Variants in TRIP12 observed in about 807,000 individuals in gnomAD.
TRIP12 encodes thyroid hormone receptor interactor 12.
Under a neutral mutation model 244.2 loss-of-function variants are expected in TRIP12, and 25 were observed. That is an observed-to-expected ratio of 0.10 (90% CI 0.07 to 0.14). The LOEUF (loss-of-function observed/expected upper bound fraction) is 0.14, where lower values mean the gene tolerates loss of function less well. TRIP12 is among the 10% of genes least tolerant of loss of function. TRIP12 has a pLI of 1.00. For synonymous variants in TRIP12, 905 were observed against 873.1 expected (o/e 1.04, Z -0.64); for missense variants, 1,677 against 2,486.4 (o/e 0.67, Z 6.92).
intron 21 of TRIP12, among the ~76,000 whole-genome samples, chr2:229,800,967 C>A (rs576769811): frequency 3.9e-4 from 59 of 152,280 alleles, no homozygotes; most frequent in African/African-American, 1.4e-3. Context: ...GAAAGAAATA[C>A]TGCAATTGTC....
intron 28 of TRIP12, 27 bp downstream of exon 28, chr2:229,792,126 A>G: frequency 6.2e-7 from 1 of 1,614,060 alleles, no homozygotes; most frequent in African/African-American, 1.3e-5. Flanking sequence ...ATAGTACATT[A>G]TACATGGTGG....
Position 229,839,192 on chromosome 2 carries a change from G to T in TRIP12, c.1133+1630C>A, listed in dbSNP as rs1485655529. 2.6e-5 allele frequency among the ~76,000 whole-genome samples: 4 copies of T among 152,248 alleles called. No homozygotes were observed. The East Asian group carries it at 7.7e-4, about 29-fold the overall frequency. ...TTTAGATGCATAAATGCTTGCCATG[G>T]TGTTACAACTGTCTACAGTATTCTG... On this transcript the variant is annotated intron_variant, in intron 5 of 41. Transcript: ENST00000675903.
Position 229,863,671 on chromosome 2 carries a change from T to C in TRIP12, c.99-3140A>G, listed in dbSNP as rs113404043. ...GGAGCTCTATTTTATTATGTCCACTTATAAATTATTAATGCTCAAAAATGC... is the reference window on the plus strand; with the variant it reads ...GGAGCTCTATTTTATTATGTCCACTCATAAATTATTAATGCTCAAAAATGC... On this transcript the variant is annotated intron_variant, in intron 2 of 41. Coordinates refer to ENST00000675903, the MANE Select transcript of TRIP12 (RefSeq NM_001348323.3). 9.9e-3 allele frequency among the ~76,000 whole-genome samples: 1,504 copies of C among 152,278 alleles called. 22 individuals are homozygous for C. The highest frequency in any genetic ancestry group is 0.034 in the African/African-American group (1,398 of 41,548).
intron 4 of TRIP12, among the ~76,000 whole-genome samples, chr2:229,850,021 G>T (rs1396588964): frequency 6.6e-6 from 1 of 151,750 alleles, no homozygotes; most frequent in East Asian, 1.9e-4. Context: ...GTACTTTCTG[G>T]ATTACTTTTA....
Position 229,774,271 on chromosome 2 carries a change from A to G in TRIP12, c.5530-10T>C. On this transcript the variant is annotated splice_polypyrimidine_tract_variant and intron_variant, in intron 37 of 41. Coordinates refer to ENST00000675903, the MANE Select transcript of TRIP12 (RefSeq NM_001348323.3). ...GTAGACTCTCTTTGGTCTAAAAAAC[A>G]CAAATGGGGGAGAAATGGTGTCAAG... The G allele has an allele frequency of 6.3e-7, 1 of 1,597,384 alleles. No homozygotes were observed. Among genetic ancestry groups the G allele is most frequent in the Non-Finnish European group, 8.5e-7 (1 of 1,174,150 alleles).
intron 7 of TRIP12, 80 bp from the exon 8 acceptor site, chr2:229,829,368 T>G (rs1272033013): frequency 3.6e-6 from 4 of 1,104,614 alleles, no homozygotes; most frequent in Non-Finnish European, 5.2e-6. Context: ...AAGTAACTGA[T>G]TCATCTCGCT....
chr2:229,827,645 C>T (rs1022523695), intron 8 of TRIP12, among the ~76,000 whole-genome samples: 9 of 152,068 alleles, frequency 5.9e-5, no homozygotes, highest in Non-Finnish European at 1.2e-4. Flanking sequence ...CTGTCATCTC[C>T]TATGACAACA....
At chr2:229,876,611 C>A (rs939313448) in intron 2 of TRIP12, among the ~76,000 whole-genome samples, 10 of 152,212 alleles carry the variant, frequency 6.6e-5, no homozygotes, top group Non-Finnish European at 1.5e-4. Context: ...ACCAACACAT[C>A]TTAATCGCTA....
chr2:229,787,474 G>C lies in TRIP12; in HGVS notation c.4995+31C>G, dbSNP rs144965923. ...TTTTCCCATTATTTTGAAAAGCTCA[G>C]ATTATTTAAAGATTTTGGGGAGAAA... On this transcript the variant is annotated intron_variant, in intron 33 of 41. Transcript: ENST00000675903. The C allele has an allele frequency of 5.8e-4, 918 of 1,587,226 alleles. 10 individuals are homozygous for C. In the African/African-American group the frequency reaches 0.011, roughly 19 times the overall value.
intron 18 of TRIP12, 109 bp from the exon 19 acceptor site, chr2:229,804,336 A>G: frequency 1.1e-6 from 1 of 944,896 alleles, no homozygotes; most frequent in South Asian, 1.8e-5. Context: ...ATGCTATGAA[A>G]ACTTTTTCAT....
At chr2:229,826,634 C>A (rs1273250318) in intron 8 of TRIP12, among the ~76,000 whole-genome samples, 1 of 152,104 alleles carries the variant, frequency 6.6e-6, no homozygotes, top group Non-Finnish European at 1.5e-5. Flanking sequence ...ATACCTAAAC[C>A]AAGATGGTAC....
intron 1 of TRIP12, among the ~76,000 whole-genome samples, chr2:229,920,396 G>C: frequency 6.6e-6 from 1 of 152,122 alleles, no homozygotes; most frequent in East Asian, 1.9e-4. Context: ...CCGCGACTAG[G>C]AAAGGAGACA....
At chr2:229,922,514 A>G (rs778820320), upstream of TRIP12, 66 of 1,613,926 alleles carry the variant, frequency 4.1e-5, no homozygotes, top group Non-Finnish European at 4.1e-5. Context: ...GCGTCCCAAG[A>G]TGGCGTCGTG....
In TRIP12 at chr2:229,885,197, G is replaced by GC. The variant is rs577444603; in HGVS notation, c.-49-5070dup. Among the ~76,000 whole-genome samples, 19 of 152,220 alleles carry GC rather than the reference G, an allele frequency of 1.2e-4. No individual in the cohort carries two copies. In the East Asian group the frequency reaches 3.3e-3, roughly 26 times the overall value. ...ATGTTACAAACATGTTGCTATGTTT[G>GC]CAACAGGTAAATCTCATTTGTCCAG... On this transcript the variant is annotated intron_variant, in intron 1 of 41. Transcript: ENST00000675903.
chr2:229,864,569 T>C (rs2061166434), intron 2 of TRIP12, among the ~76,000 whole-genome samples: 1 of 151,014 alleles, frequency 6.6e-6, no homozygotes, highest in Admixed American at 6.6e-5. Flanking sequence ...TTTTCAACTT[T>C]TTTTTTTTTT....
chr2:229,894,634 A>AAT (rs1163495351), intron 1 of TRIP12, among the ~76,000 whole-genome samples: 9 of 152,254 alleles, frequency 5.9e-5, no homozygotes, highest in Non-Finnish European at 7.3e-5. Flanking sequence ...GGGAAAAGAA[A>AAT]ATCTATACCT....
Position 229,778,438 on chromosome 2 carries a change from T to G in TRIP12, c.5359A>C (p.Arg1787=), listed in dbSNP as rs780561987. 2 of 1,613,836 alleles carry G rather than the reference T, an allele frequency of 1.2e-6. No individual in the cohort carries two copies. The highest frequency in any genetic ancestry group is 3.3e-5 in the Admixed American group (2 of 59,992). Residue 1787 remains arginine (R), a synonymous_variant, in exon 36 of 42, where the codon AGA becomes CGA. Coordinates refer to ENST00000675903, the MANE Select transcript of TRIP12 (RefSeq NM_001348323.3). This position sits in a 1 kb window ranked among gnomAD's most constrained non-coding sequence, Gnocchi z 4.1. ...KLMAKAIMDF[R]LVDLPLGLPF... The stretch of plus-strand genomic sequence containing the variant: ...GCAAACCATCCTAAACTTACCAATC[T>G]GAAATCCATGATAGCCTTGGCCATT...
At chr2:229,922,201 T>A (rs2076720213), upstream of TRIP12, 1 of 255,332 alleles carries the variant, frequency 3.9e-6, no homozygotes, top group East Asian at 8.1e-5. Flanking sequence ...CAGCCTCCGA[T>A]CTCCGCCCGA....
chr2:229,906,749 A>C (rs2072964655), intron 1 of TRIP12, among the ~76,000 whole-genome samples: 1 of 151,832 alleles, frequency 6.6e-6, no homozygotes, highest in African/African-American at 2.4e-5. Context: ...AAAAAAAAAT[A>C]AGAAATTTAT....
Sources: gnomAD v4.1 joint callset for allele counts (sites outside exome capture counted in the v4.1 genomes callset) on GRCh38, gnomAD v4.1.1 for gene constraint, Gnocchi (gnomAD v3.1) non-coding constraint, MANE v1.5 for transcripts, NCBI Gene and HGNC (gene_info 2026-07-23, HGNC 2026-07-21) for gene names.